The following TAFA2 variants were observed in gnomAD, a reference collection of about 807,000 sequenced individuals.
TAFA2 encodes the protein chemokine-like protein TAFA-2.
TAFA2 carries 7 observed loss-of-function variants against 18.8 expected under a neutral mutation model. The ratio of observed to expected loss-of-function variants is 0.37; its 90% CI spans 0.21 to 0.70. TAFA2 has a LOEUF of 0.70. TAFA2 is among the 30% of genes least tolerant of loss of function. The probability of loss-of-function intolerance (pLI) is 0.53; values close to 1 mark genes in which losing one functional copy is unlikely to be tolerated. For synonymous variants in TAFA2, 60 were observed against 54.2 expected (o/e 1.11, Z -0.47); for missense variants, 122 against 158.1 (o/e 0.77, Z 1.23).
At chr12:61,769,745 C>T (rs1315777880) in intron 2 of TAFA2, among the ~76,000 whole-genome samples, 1 of 152,008 alleles carries the variant, frequency 6.6e-6, no homozygotes, top group Non-Finnish European at 1.5e-5. Context: ...GATCAGCAGC[C>T]CCTGAGTCTC....
rs1417157709 is a variant in TAFA2, at chr12:61,709,844, A to C, written c.*562T>G. On this transcript the variant is annotated 3_prime_UTR_variant, in exon 5 of 5. Transcript: ENST00000416284. ...ATATATATTTCCATTCCTTTAACAAAAGCAACTTTAAGATGTTAAAACATG... is the reference window on the plus strand; with the variant it reads ...ATATATATTTCCATTCCTTTAACAACAGCAACTTTAAGATGTTAAAACATG... The C allele has an allele frequency of 6.6e-6, 1 of 152,240 alleles. No individual in the cohort carries two copies. The highest frequency in any genetic ancestry group is 1.9e-4 in the East Asian group (1 of 5,198). The allele number at this position is 152,240 out of a possible 1,614,324, so 9.4% of individuals were successfully genotyped here.
At chr12:62,206,874 T>TG (rs1247974787) in intron 1 of TAFA2, 1 of 129,994 alleles carries the variant, frequency 7.7e-6, no homozygotes, top group East Asian at 2.3e-4. Flanking sequence ...GTTTACATCC[T>TG]GGTTTTTTTT....
At chr12:62,066,933 A>G (rs902098112) in intron 1 of TAFA2, among the ~76,000 whole-genome samples, 1 of 152,064 alleles carries the variant, frequency 6.6e-6, no homozygotes, top group South Asian at 2.1e-4. Context: ...TCCTACCAAC[A>G]GTGTAGAGGG....
chr12:61,995,814 A>G (rs1471383716), intron 1 of TAFA2, among the ~76,000 whole-genome samples: 1 of 152,158 alleles, frequency 6.6e-6, no homozygotes, highest in African/African-American at 2.4e-5. Flanking sequence ...AGGTTGATAA[A>G]ACATGTTCTA....
In TAFA2 at chr12:61,805,489, T is replaced by C. The variant is rs144318873; in HGVS notation, c.107-50465A>G. 5.3e-5 allele frequency among the ~76,000 whole-genome samples: 8 copies of C among 152,274 alleles called. No homozygotes were observed. The East Asian group carries it at 1.5e-3, about 29-fold the overall frequency. ...TGCACTTAAAGTACATTTTGAATTT[T>C]TGCCAAGTAAATGTTTTCAAAAGAT... is the stretch of plus-strand genomic sequence containing the variant. On this transcript the variant is annotated intron_variant, in intron 2 of 4. Coordinates refer to ENST00000416284, the MANE Select transcript of TAFA2 (RefSeq NM_178539.5).
At position 61,891,587 on chromosome 12, in the gene TAFA2, G is replaced by A. The variant is rs553441239; in HGVS notation, c.-1-24161C>T. 3.9e-5 allele frequency among the ~76,000 whole-genome samples: 6 copies of A among 152,238 alleles called. No individual in the cohort carries two copies. In the East Asian group the frequency reaches 1.2e-3, roughly 29 times the overall value. ...CGCTTGAACCCGGGAGGCGGAGGTTGCAGTGAGCTGAGATCATGCCATTGC... is the reference window on the plus strand; with the variant it reads ...CGCTTGAACCCGGGAGGCGGAGGTTACAGTGAGCTGAGATCATGCCATTGC... On this transcript the variant is annotated intron_variant, in intron 1 of 4. Coordinates refer to ENST00000416284, the MANE Select transcript of TAFA2 (RefSeq NM_178539.5).
At chr12:62,207,610 T>G (rs2136971157) in intron 1 of TAFA2, among the ~76,000 whole-genome samples, 1 of 152,342 alleles carries the variant, frequency 6.6e-6, no homozygotes, top group Non-Finnish European at 1.5e-5. Flanking sequence ...TTTTTAGCAC[T>G]AAACCTCATT....
rs1427593068 is a variant in TAFA2, at chr12:61,839,875, T to TA, written c.106+27444dup. On this transcript the variant is annotated intron_variant, in intron 2 of 4. Coordinates refer to ENST00000416284, the MANE Select transcript of TAFA2 (RefSeq NM_178539.5). ...CTGAACCTAAAATAAAAGTTTAAAT[T>TA]AAAAAAATAAGGCATAAGAGAAGGA... is the stretch of plus-strand genomic sequence containing the variant. Among the ~76,000 whole-genome samples the TA allele has an allele frequency of 4.0e-5, 6 of 151,656 alleles. No individual in the cohort carries two copies. In the East Asian group the frequency reaches 7.8e-4, roughly 20 times the overall value.
rs1368333989 is a variant in TAFA2, at chr12:62,134,108, T to G, written c.-2+57151A>C. ...GACACTCTTTCTCTTCCCCTTCTTA[T>G]GCTTGGATTTTTCTGGTCCTTCAAG... On this transcript the variant is annotated intron_variant, in intron 1 of 4. Coordinates refer to ENST00000416284, the MANE Select transcript of TAFA2 (RefSeq NM_178539.5). 2.6e-5 allele frequency among the ~76,000 whole-genome samples: 4 copies of G among 151,886 alleles called. No individual in the cohort carries two copies. The East Asian group carries it at 7.8e-4, about 29-fold the overall frequency.
chr12:62,104,772 G>A (rs577293377), intron 1 of TAFA2: 11 of 452,416 alleles, frequency 2.4e-5, no homozygotes, highest in South Asian at 1.2e-4. Context: ...ATCGGTGTAA[G>A]CTAACTGGCT....
In TAFA2 at chr12:61,756,381, C is replaced by T. The variant is rs375998617; in HGVS notation, c.107-1357G>A. ...AAAAATAAGAGGCAGACTTCTGTCC[C>T]TATCTTCTCGTGCTCTGGGTGAATA... On this transcript the variant is annotated intron_variant, in intron 2 of 4. Coordinates refer to ENST00000416284, the MANE Select transcript of TAFA2 (RefSeq NM_178539.5). Among the ~76,000 whole-genome samples, 4 of 152,092 alleles carry T rather than the reference C, an allele frequency of 2.6e-5. No homozygotes were observed. In the East Asian group the frequency reaches 7.7e-4, roughly 29 times the overall value.
At chr12:62,125,981 AT>A (rs1261172270) in intron 1 of TAFA2, among the ~76,000 whole-genome samples, 7 of 152,160 alleles carry the variant, frequency 4.6e-5, no homozygotes, top group South Asian at 2.1e-4. Context: ...CATATAATAA[AT>A]TTTTTTCGCA....
chr12:61,931,440 G>A (rs1877550836), intron 1 of TAFA2, among the ~76,000 whole-genome samples: 1 of 152,238 alleles, frequency 6.6e-6, no homozygotes, highest in Non-Finnish European at 1.5e-5. Context: ...GCACTGGCCA[G>A]CTGCTGTGAA....
chr12:61,848,650 T>C (rs886803506), intron 2 of TAFA2, among the ~76,000 whole-genome samples: 2 of 151,880 alleles, frequency 1.3e-5, no homozygotes, highest in African/African-American at 4.8e-5. Context: ...ATTTGTTTCA[T>C]CTATTTTATT....
At chr12:61,720,977 A>G in intron 4 of TAFA2, 1 of 512,914 alleles carries the variant, frequency 1.9e-6, no homozygotes, top group Non-Finnish European at 3.9e-6. Flanking sequence ...TTATTACAGA[A>G]AGCAAACCTG....
At chr12:61,966,203 C>A (rs1355961760) in intron 1 of TAFA2, among the ~76,000 whole-genome samples, 1 of 151,894 alleles carries the variant, frequency 6.6e-6, no homozygotes, top group Non-Finnish European at 1.5e-5. Context: ...GTAGCTGAGA[C>A]TGGATAGTTT....
At chr12:62,076,687 TAAA>T (rs992182278) in intron 1 of TAFA2, among the ~76,000 whole-genome samples, 1 of 152,206 alleles carries the variant, frequency 6.6e-6, no homozygotes. Flanking sequence ...CAGAAGGGAA[TAAA>T]ACAATAGCTT....
intron 1 of TAFA2, among the ~76,000 whole-genome samples, chr12:62,244,278 G>A (rs376515573): frequency 5.8e-4 from 81 of 139,084 alleles, no homozygotes; most frequent in Non-Finnish European, 9.3e-4. Flanking sequence ...TGGGGTTTAC[G>A]GAAGAACAAA....
intron 1 of TAFA2, among the ~76,000 whole-genome samples, chr12:62,018,897 A>AT (rs1388137538): frequency 6.6e-5 from 10 of 152,078 alleles, no homozygotes; most frequent in African/African-American, 2.2e-4. Flanking sequence ...AACCTACAAA[A>AT]TGGGAGAAAA....
Sources: allele counts gnomAD v4.1 joint callset (sites outside exome capture counted in the v4.1 genomes callset), GRCh38; gene constraint gnomAD v4.1.1; transcripts MANE v1.5; gene names NCBI Gene and HGNC (gene_info 2026-07-23, HGNC 2026-07-21).